IFI27L1: variants seen among roughly 807,000 people sequenced by gnomAD.
IFI27L1 encodes the protein interferon alpha inducible protein 27 like 1.
In IFI27L1, 3 loss-of-function variants were observed where a neutral mutation model predicts 9.2. That is an observed-to-expected ratio of 0.32 (90% CI 0.15 to 0.84). IFI27L1 has a LOEUF of 0.84. Ranked by LOEUF, IFI27L1 falls within the 40% of genes least tolerant of loss-of-function variation. The pLI is 0.56. For missense variants in IFI27L1, 133 were observed against 134.2 expected (o/e 0.99, Z 0.05); for synonymous variants, 53 against 50.0 (o/e 1.06, Z -0.26).
chr14:94,096,842 T>C lies in IFI27L1; in HGVS notation c.-51-45T>C, dbSNP rs762886108. ...ATGCAGAGTTCTTTATTAATGCAGCTTTATTCAAACCAGATCCTGAATAAA... is the reference window on the plus strand; with the variant it reads ...ATGCAGAGTTCTTTATTAATGCAGCCTTATTCAAACCAGATCCTGAATAAA... On this transcript the variant is annotated intron_variant, in intron 1 of 4. Transcript: ENST00000555523. The C allele has an allele frequency of 2.9e-5, 32 of 1,102,720 alleles. 2 individuals carry two copies. Among genetic ancestry groups the C allele is most frequent in the Middle Eastern group, 3.9e-4 (2 of 5,130 alleles). The allele number at this position is 1,102,720 out of a possible 1,614,324, so 68.3% of individuals were successfully genotyped here. A position where few individuals can be genotyped will look rare whatever the true frequency, so the allele number is the denominator to read the frequency against.
chr14:94,085,701 T>C (rs1467290553), intron 1 of IFI27L1, among the ~76,000 whole-genome samples: 1 of 152,156 alleles, frequency 6.6e-6, no homozygotes, highest in Non-Finnish European at 1.5e-5. Flanking sequence ...GAGTGCAGCT[T>C]TTCAGTTCAA....
chr14:94,082,699 CA>C (rs1442973281), intron 1 of IFI27L1, among the ~76,000 whole-genome samples: 1 of 152,226 alleles, frequency 6.6e-6, no homozygotes, highest in African/African-American at 2.4e-5. Context: ...GCCTGGATGA[CA>C]GCACAACTGT....
At chr14:94,081,772 C>A (rs1240850191) in intron 1 of IFI27L1, among the ~76,000 whole-genome samples, 1 of 152,162 alleles carries the variant, frequency 6.6e-6, no homozygotes, top group African/African-American at 2.4e-5. Flanking sequence ...ATATAAGATA[C>A]AAACGTAATT....
At chr14:94,087,620 G>A (rs1595388650) in intron 1 of IFI27L1, among the ~76,000 whole-genome samples, 1 of 152,100 alleles carries the variant, frequency 6.6e-6, no homozygotes, top group South Asian at 2.1e-4. Context: ...TAGAGATGGT[G>A]TTTCACCGTG....
At chr14:94,092,511 AAAAACAAAAC>A (rs941367293) in intron 1 of IFI27L1, among the ~76,000 whole-genome samples, 1 of 152,030 alleles carries the variant, frequency 6.6e-6, no homozygotes, top group Non-Finnish European at 1.5e-5. Context: ...ACTCCATCTC[AAAAACAAAAC>A]AAAACAAAAC....
chr14:94,100,706 GT>G (rs1555439894), intron 2 of IFI27L1, 32 bp from the exon 3 acceptor site: 1 of 1,610,956 alleles, frequency 6.2e-7, no homozygotes. Flanking sequence ...GTGTTTGTTT[GT>G]TTGTTGTTGT....
At position 94,100,744 on chromosome 14, in the gene IFI27L1, G is replaced by A. The variant is rs754090623; in HGVS notation, c.34G>A (p.Ala12Thr). Residue 12 changes from alanine to threonine, a missense_variant, in exon 3 of 5, where the codon GCT becomes ACT. Coordinates refer to ENST00000555523, the MANE Select transcript of IFI27L1 (RefSeq NM_206949.3). The stretch of plus-strand genomic sequence containing the variant: ...GTTGTTGTTTTTGTCTCCAGGCAGG[G>A]CTGCTGTAGCAGCTGTGGTCGGAGG... ...GKESGWDSGR[A>T]AVAAVVGGVV... 7.4e-6 allele frequency: 12 copies of A among 1,613,502 alleles called. No individual in the cohort carries two copies. The highest frequency in any genetic ancestry group is 1.0e-5 in the Non-Finnish European group (12 of 1,179,942).
intron 3 of IFI27L1, chr14:94,101,042 C>A: frequency 1.7e-6 from 1 of 590,906 alleles, no homozygotes; most frequent in Non-Finnish European, 3.0e-6. Context: ...TTGGAGCAGT[C>A]ACAGCCCGGG....
chr14:94,092,421 G>A (rs1238173359), intron 1 of IFI27L1, among the ~76,000 whole-genome samples: 1 of 151,960 alleles, frequency 6.6e-6, no homozygotes, highest in South Asian at 2.1e-4. Context: ...TGAGGCAGGA[G>A]AATTGCTTGA....
intron 2 of IFI27L1, among the ~76,000 whole-genome samples, chr14:94,097,843 C>T (rs756103217): frequency 3.3e-5 from 5 of 152,150 alleles, no homozygotes; most frequent in Non-Finnish European, 5.9e-5. Flanking sequence ...TGGGAGTGCA[C>T]TTGGGTCACT....
intron 2 of IFI27L1, among the ~76,000 whole-genome samples, chr14:94,099,577 A>G (rs1886816183): frequency 6.6e-6 from 1 of 152,178 alleles, no homozygotes; most frequent in Non-Finnish European, 1.5e-5. Flanking sequence ...GAGAGGCTTC[A>G]GAGAGAGCGT....
intron 3 of IFI27L1, 96 bp from the exon 4 acceptor site, chr14:94,101,718 C>A: frequency 7.5e-7 from 1 of 1,326,816 alleles, no homozygotes; most frequent in Non-Finnish European, 1.1e-6. Flanking sequence ...CCTGAGAGCA[C>A]AGCAGACCCC....
chr14:94,085,765 GA>G (rs901678225), intron 1 of IFI27L1, among the ~76,000 whole-genome samples: 15 of 152,040 alleles, frequency 9.9e-5, no homozygotes, highest in Admixed American at 6.6e-5. Context: ...ACAACATAAA[GA>G]ACATTTCCAC....
chr14:94,099,201 C>T (rs1435491025), intron 2 of IFI27L1, among the ~76,000 whole-genome samples: 8 of 152,118 alleles, frequency 5.3e-5, no homozygotes, highest in African/African-American at 1.7e-4. Flanking sequence ...GGGCGGCAGG[C>T]GCACAAGTGG....
chr14:94,087,810 C>G (rs974747864), intron 1 of IFI27L1, among the ~76,000 whole-genome samples: 13 of 151,952 alleles, frequency 8.6e-5, no homozygotes, highest in African/African-American at 3.1e-4. Context: ...CGGTGATCAT[C>G]ATTCATGTGC....
chr14:94,098,720 T>G (rs1470315814), intron 2 of IFI27L1, among the ~76,000 whole-genome samples: 25 of 152,096 alleles, frequency 1.6e-4, no homozygotes, highest in Admixed American at 1.6e-3. Flanking sequence ...TCTTGGGGAC[T>G]GGGTTGGGGA....
rs1336849635 is a variant in IFI27L1, at chr14:94,102,538, G to C, written c.285G>C (p.Gly95=). Residue 95 remains glycine (G), a synonymous_variant, in exon 5 of 5, where the codon GGG becomes GGC. Transcript: ENST00000555523. ...GGGGCTTTGCTGGGACAGCTCTTGG[G>C]GCCTGGCTGGGTTCACCCCCTTCCA... The part of the protein sequence containing the change: ...VIGGFAGTAL[G]AWLGSPPSS 6.3e-7 allele frequency: 1 copy of C among 1,583,882 alleles called. No individual in the cohort carries two copies. The highest frequency in any genetic ancestry group is 1.8e-5 in the Admixed American group (1 of 56,928).
intron 2 of IFI27L1, among the ~76,000 whole-genome samples, chr14:94,098,822 A>G (rs1241063492): frequency 6.6e-6 from 1 of 152,158 alleles, no homozygotes; most frequent in Non-Finnish European, 1.5e-5. Context: ...TCATGTTCTC[A>G]TGCTTTGCAT....
At chr14:94,091,158 A>G (rs1306180021) in intron 1 of IFI27L1, among the ~76,000 whole-genome samples, 1 of 152,212 alleles carries the variant, frequency 6.6e-6, no homozygotes, top group Non-Finnish European at 1.5e-5. Context: ...GTTATCAGAA[A>G]CCTGCATCCA....
Sources: gnomAD v4.1 joint callset for allele counts (sites outside exome capture counted in the v4.1 genomes callset) on GRCh38, gnomAD v4.1.1 for gene constraint, MANE v1.5 for transcripts, NCBI Gene and HGNC (gene_info 2026-07-23, HGNC 2026-07-21) for gene names.